The following VAMP7 variants were observed in gnomAD, a reference collection of about 807,000 sequenced individuals.
VAMP7 encodes vesicle associated membrane protein 7, also known as vesicle-associated membrane protein 7.
VAMP7 carries 14 observed loss-of-function variants against 29.6 expected under a neutral mutation model. The ratio of observed to expected loss-of-function variants is 0.47; its 90% confidence interval spans 0.31 to 0.74. The LOEUF (loss-of-function observed/expected upper bound fraction) is 0.74, where lower values mean the gene tolerates loss of function less well. Ranked by LOEUF, VAMP7 falls within the 30% of genes least tolerant of loss-of-function variation. The probability of loss-of-function intolerance (pLI) is 0.05; values close to 1 mark genes in which losing one functional copy is unlikely to be tolerated. For synonymous variants in VAMP7, 95 were observed against 88.1 expected (o/e 1.08, Z -0.44); for missense variants, 223 against 262.4 (o/e 0.85, Z 1.04).
intron 5 of VAMP7, among the ~76,000 whole-genome samples, chrX:155,912,897 A>G (rs775118662): frequency 1.2e-3 from 185 of 152,130 alleles, no homozygotes; most frequent in Non-Finnish European, 2.1e-3. Flanking sequence ...TGCTGGGTCA[A>G]ATGGTATTTC....
intron 4 of VAMP7, 122 bp downstream of exon 4, chrX:155,898,371 A>C (rs2066015315): frequency 7.7e-7 from 1 of 1,305,448 alleles, no homozygotes; most frequent in Non-Finnish European, 1.0e-6. Flanking sequence ...GTAAGCCAAC[A>C]TAATAAAACT....
intron 1 of VAMP7, among the ~76,000 whole-genome samples, chrX:155,888,642 C>T (rs1373596910): frequency 6.6e-6 from 1 of 152,174 alleles, no homozygotes; most frequent in Non-Finnish European, 1.5e-5. Flanking sequence ...ATCTTAAACT[C>T]ATGCCATATG....
rs190003276 is a variant in VAMP7 at position 155,888,999 on chromosome X, A to G, written c.-9-459A>G. 3.7e-4 allele frequency among the ~76,000 whole-genome samples: 57 copies of G among 152,298 alleles called. No individual in the cohort carries two copies. In the East Asian group the frequency reaches 5.8e-3, roughly 15 times the overall value. ...ACCTGGCACATAGTAAACAATAAATATAGGCTATTTTTATTGTTAATAGTT... is the reference window on the plus strand; with the variant it reads ...ACCTGGCACATAGTAAACAATAAATGTAGGCTATTTTTATTGTTAATAGTT... On this transcript the variant is annotated intron_variant, in intron 1 of 7. Transcript: ENST00000286448.
At chrX:155,918,059 C>T (rs966935201) in intron 5 of VAMP7, among the ~76,000 whole-genome samples, 10 of 152,098 alleles carry the variant, frequency 6.6e-5, no homozygotes, top group Non-Finnish European at 1.3e-4. Flanking sequence ...TGCGGAGCTG[C>T]GGTGGGCTCT....
rs1283919460 is a variant in VAMP7 at position 155,937,743 on chromosome X, T to C, written c.502-1958T>C. On this transcript the variant is annotated intron_variant, in intron 6 of 7. Coordinates refer to ENST00000286448, the MANE Select transcript of VAMP7 (RefSeq NM_005638.6). ...TTTCTTCAATTAGTCCCTTGATTATTGATCCTTCTCTTTTGGCTGTATTCT... is the reference window on the plus strand; with the variant it reads ...TTTCTTCAATTAGTCCCTTGATTATCGATCCTTCTCTTTTGGCTGTATTCT... 3.3e-5 allele frequency among the ~76,000 whole-genome samples: 5 copies of C among 152,310 alleles called. No individual in the cohort carries two copies. In the East Asian group the frequency reaches 9.6e-4, roughly 29 times the overall value.
In VAMP7 at chrX:155,902,006, A is replaced by T. The variant is rs59689928; in HGVS notation, c.433+1419A>T. On this transcript the variant is annotated intron_variant, in intron 5 of 7. Coordinates refer to ENST00000286448, the MANE Select transcript of VAMP7 (RefSeq NM_005638.6). ...ATATTGATTCTTCCTACCCATGAAC[A>T]TGGAATGTTCTTCCATTTCTTTGTA... is the stretch of plus-strand genomic sequence containing the variant. 1.9e-3 allele frequency among the ~76,000 whole-genome samples: 289 copies of T among 152,190 alleles called. 3 individuals are homozygous for T. Among genetic ancestry groups the T allele is most frequent in the African/African-American group, 6.5e-3 (272 of 41,544 alleles).
At chrX:155,914,667 T>C (rs760419724) in intron 5 of VAMP7, among the ~76,000 whole-genome samples, 1 of 152,296 alleles carries the variant, frequency 6.6e-6, no homozygotes, top group African/African-American at 2.4e-5. Flanking sequence ...ATTACGTTTA[T>C]TGATTTGCGT....
chrX:155,882,650 A>G (rs2065817318), intron 1 of VAMP7, among the ~76,000 whole-genome samples: 1 of 152,210 alleles, frequency 6.6e-6, no homozygotes, highest in Middle Eastern at 3.2e-3. Flanking sequence ...TTGGATTACT[A>G]TTAGCTCAAC....
chrX:155,926,946 A>G (rs1178089527), intron 6 of VAMP7, among the ~76,000 whole-genome samples: 1 of 152,162 alleles, frequency 6.6e-6, no homozygotes, highest in Non-Finnish European at 1.5e-5. Context: ...AACACACAAC[A>G]TTTATCCGTT....
intron 5 of VAMP7, among the ~76,000 whole-genome samples, chrX:155,911,957 CT>C (rs1258062907): frequency 2.0e-5 from 3 of 152,072 alleles, no homozygotes; most frequent in African/African-American, 7.2e-5. Flanking sequence ...ATTTCTTTCT[CT>C]TGCCTGATTG....
chrX:155,901,560 G>GTTGTAT (rs1158293687), intron 5 of VAMP7, among the ~76,000 whole-genome samples: 3 of 152,026 alleles, frequency 2.0e-5, no homozygotes, highest in Non-Finnish European at 4.4e-5. Context: ...AAGGTATAAG[G>GTTGTAT]AAGGGATCCA....
chrX:155,900,766 T>C (rs1001604851), intron 5 of VAMP7, among the ~76,000 whole-genome samples, 179 bp downstream of exon 5: 3 of 152,158 alleles, frequency 2.0e-5, no homozygotes, highest in African/African-American at 7.2e-5. Flanking sequence ...TTCTTTGTCC[T>C]TGCAACTATT....
chrX:155,896,245 G>C (rs1366674250), intron 3 of VAMP7, among the ~76,000 whole-genome samples: 10 of 152,102 alleles, frequency 6.6e-5, no homozygotes, highest in Admixed American at 4.6e-4. Context: ...TTAGCCTCTT[G>C]CAACTTCTAT....
In VAMP7 at chrX:155,890,141, A is replaced by G. The variant is rs1295560844; in HGVS notation, c.146+529A>G. Among the ~76,000 whole-genome samples the G allele has an allele frequency of 2.0e-5, 3 of 152,052 alleles. No individual in the cohort carries two copies. The East Asian group carries it at 5.8e-4, about 30-fold the overall frequency. On this transcript the variant is annotated intron_variant, in intron 2 of 7. Coordinates refer to ENST00000286448, the MANE Select transcript of VAMP7 (RefSeq NM_005638.6). ...AGGAACAGCAGGTAGAGAAGTATGG[A>G]GGCATGAGATCATAGGGCGGGCATA...
At chrX:155,884,668 G>A (rs779672713) in intron 1 of VAMP7, among the ~76,000 whole-genome samples, 1 of 152,306 alleles carries the variant, frequency 6.6e-6, no homozygotes, top group Non-Finnish European at 1.5e-5. Flanking sequence ...GAATGCAAGT[G>A]CAGCACTGAA....
chrX:155,892,897 C>G (rs1365091158), intron 2 of VAMP7, among the ~76,000 whole-genome samples: 1 of 151,792 alleles, frequency 6.6e-6, no homozygotes, highest in African/African-American at 2.4e-5. Flanking sequence ...GGATGACAGG[C>G]GTGTGCCACC....
Position 155,933,690 on chromosome X carries a change from G to A in VAMP7, c.502-6011G>A, listed in dbSNP as rs775322307. Reference sequence around the variant, plus strand: ...TCATTGATTTCTTGAAGGGTTTTTTGTGTCTCTATCTCGTTCAGTTCTGCT... The same window carrying A: ...TCATTGATTTCTTGAAGGGTTTTTTATGTCTCTATCTCGTTCAGTTCTGCT... On this transcript the variant is annotated intron_variant, in intron 6 of 7. Coordinates refer to ENST00000286448, the MANE Select transcript of VAMP7 (RefSeq NM_005638.6). Among the ~76,000 whole-genome samples, 13 of 152,102 alleles carry A rather than the reference G, an allele frequency of 8.5e-5. No individual in the cohort carries two copies. In the South Asian group the frequency reaches 2.5e-3, roughly 29 times the overall value.
intron 2 of VAMP7, among the ~76,000 whole-genome samples, chrX:155,892,247 C>T (rs1352620513): frequency 6.6e-6 from 1 of 152,076 alleles, no homozygotes; most frequent in African/African-American, 2.4e-5. Context: ...TGTTCTCCCC[C>T]TAAGCCTCCT....
At chrX:155,904,845 A>G (rs1407869132) in intron 5 of VAMP7, among the ~76,000 whole-genome samples, 2 of 150,784 alleles carry the variant, frequency 1.3e-5, no homozygotes, top group Non-Finnish European at 3.0e-5. Flanking sequence ...GTTATTATAA[A>G]TAATGCTGCT....
Sources: gnomAD v4.1 joint callset for allele counts (sites outside exome capture counted in the v4.1 genomes callset) on GRCh38, gnomAD v4.1.1 for gene constraint, MANE v1.5 for transcripts, NCBI Gene and HGNC (gene_info 2026-07-23, HGNC 2026-07-21) for gene names.